ST8SIA1: variants seen among roughly 807,000 people sequenced by gnomAD.
ST8SIA1 encodes ST8 alpha-N-acetyl-neuraminide alpha-2,8-sialyltransferase 1.
A neutral mutation model predicts 35.9 loss-of-function variants in ST8SIA1; 16 were observed. The ratio of observed to expected loss-of-function variants is 0.45; its 90% CI spans 0.30 to 0.68. ST8SIA1 has a LOEUF of 0.68. Ranked by LOEUF, ST8SIA1 falls within the 30% of genes least tolerant of loss-of-function variation. The pLI is 0.09. For synonymous variants in ST8SIA1, 170 were observed against 169.6 expected, an observed-to-expected ratio of 1.00 and a Z score of -0.02; for missense variants, 383 against 453.6, an observed-to-expected ratio of 0.84 and a Z score of 1.41.
intron 4 of ST8SIA1, among the ~76,000 whole-genome samples, chr12:22,234,816 T>C (rs1211964299): frequency 6.6e-6 from 1 of 152,220 alleles, no homozygotes; most frequent in Non-Finnish European, 1.5e-5. Flanking sequence ...AGCAGCTGTT[T>C]CACAGATGTT....
intron 3 of ST8SIA1, among the ~76,000 whole-genome samples, chr12:22,249,463 G>A (rs1865643833): frequency 6.6e-6 from 1 of 152,070 alleles, no homozygotes; most frequent in South Asian, 2.1e-4. Context: ...CTTGTGATCT[G>A]CCCGCCTTGG....
intron 4 of ST8SIA1, among the ~76,000 whole-genome samples, chr12:22,224,947 G>C (rs969953262): frequency 3.3e-5 from 5 of 152,166 alleles, no homozygotes; most frequent in Non-Finnish European, 7.3e-5. Flanking sequence ...CTGATCCAAT[G>C]ACTGGCAGCC....
intron 4 of ST8SIA1, among the ~76,000 whole-genome samples, chr12:22,213,598 T>A (rs994697017): frequency 6.6e-6 from 1 of 152,136 alleles, no homozygotes; most frequent in Non-Finnish European, 1.5e-5. Flanking sequence ...GGCAAGGGCA[T>A]GTGGTAAGAG....
At chr12:22,221,232 AT>A (rs991017487) in intron 4 of ST8SIA1, among the ~76,000 whole-genome samples, 35 of 152,306 alleles carry the variant, frequency 2.3e-4, no homozygotes, top group African/African-American at 8.4e-4. Context: ...AAGAAAAAAA[AT>A]GATGAGTGGA....
chr12:22,278,247 G>T (rs768997545), intron 2 of ST8SIA1, among the ~76,000 whole-genome samples: 5 of 152,088 alleles, frequency 3.3e-5, no homozygotes, highest in Admixed American at 6.5e-5. Context: ...GTAGATTTTT[G>T]ATTTACATTA....
chr12:22,230,616 G>A (rs571671257), intron 4 of ST8SIA1, among the ~76,000 whole-genome samples: 1 of 151,978 alleles, frequency 6.6e-6, no homozygotes, highest in African/African-American at 2.4e-5. Flanking sequence ...GTTTCCTCAG[G>A]GTGGCTCCAG....
At chr12:22,204,869 T>G (rs935334845) in intron 4 of ST8SIA1, among the ~76,000 whole-genome samples, 1 of 152,184 alleles carries the variant, frequency 6.6e-6, no homozygotes, top group Non-Finnish European at 1.5e-5. Context: ...TTTAATGGGG[T>G]TGGTATTGAA....
At chr12:22,221,098 G>C (rs1417563528) in intron 4 of ST8SIA1, among the ~76,000 whole-genome samples, 1 of 152,072 alleles carries the variant, frequency 6.6e-6, no homozygotes, top group East Asian at 1.9e-4. Flanking sequence ...TTCTCTCCTA[G>C]CACCAAGATG....
intron 1 of ST8SIA1, among the ~76,000 whole-genome samples, chr12:22,321,003 G>GAAAGAAAGAAAGAAAGAAAGAAGA (rs377218947): frequency 1.3e-5 from 1 of 76,566 alleles, no homozygotes; most frequent in Non-Finnish European, 2.7e-5. Context: ...AAGAAAGAAA[G>GAAAGAAAGAAAGAAAGAAAGAAGA]AAGAAAGAAA....
intron 1 of ST8SIA1, among the ~76,000 whole-genome samples, chr12:22,318,391 G>A (rs1866545325): frequency 6.6e-6 from 1 of 152,222 alleles, no homozygotes; most frequent in Non-Finnish European, 1.5e-5. Context: ...ACTATGGTAT[G>A]GCTGGCATCT....
intron 1 of ST8SIA1, among the ~76,000 whole-genome samples, chr12:22,294,936 T>C (rs564648583): frequency 6.6e-6 from 1 of 152,300 alleles, no homozygotes; most frequent in East Asian, 1.9e-4. Flanking sequence ...TGAGAACCAC[T>C]TATTTGTTAT....
chr12:22,228,312 G>GTT (rs1461569389), intron 4 of ST8SIA1, among the ~76,000 whole-genome samples: 1 of 152,222 alleles, frequency 6.6e-6, no homozygotes, highest in Non-Finnish European at 1.5e-5. Flanking sequence ...AGCAGGCTTA[G>GTT]TTTAGATTAT....
chr12:22,248,911 T>C, intron 4 of ST8SIA1, 95 bp downstream of exon 4: 1 of 884,618 alleles, frequency 1.1e-6, no homozygotes, highest in South Asian at 1.7e-5. Flanking sequence ...TCCTCTTGAT[T>C]TCCCAAACTG....
intron 1 of ST8SIA1, among the ~76,000 whole-genome samples, chr12:22,308,772 A>G (rs1866414443): frequency 6.6e-6 from 1 of 152,082 alleles, no homozygotes; most frequent in Admixed American, 6.6e-5. Context: ...GACACAGTTG[A>G]CCAAATTTCT....
chr12:22,282,482 C>T (rs557834323), intron 2 of ST8SIA1, among the ~76,000 whole-genome samples: 1 of 152,254 alleles, frequency 6.6e-6, no homozygotes, highest in South Asian at 2.1e-4. Flanking sequence ...GATACATGAG[C>T]AGGAATCTGT....
intron 1 of ST8SIA1, 95 bp downstream of exon 1, chr12:22,333,902 C>A (rs768856522): frequency 4.7e-6 from 5 of 1,072,106 alleles, no homozygotes; most frequent in Non-Finnish European, 7.2e-6. Flanking sequence ...GATGCCTCTG[C>A]GAGACGGTGC....
At chr12:22,315,734 A>T (rs2135836296) in intron 1 of ST8SIA1, among the ~76,000 whole-genome samples, 1 of 151,512 alleles carries the variant, frequency 6.6e-6, no homozygotes, top group East Asian at 1.9e-4. Flanking sequence ...TAGTTAGGGC[A>T]AGCAAATAAA....
At chr12:22,234,885 G>A (rs1331567860) in intron 4 of ST8SIA1, among the ~76,000 whole-genome samples, 1 of 152,160 alleles carries the variant, frequency 6.6e-6, no homozygotes, top group South Asian at 2.1e-4. Context: ...AACCATGTGG[G>A]TAGCACTTCC....
intron 2 of ST8SIA1, among the ~76,000 whole-genome samples, chr12:22,280,273 T>G (rs1866017698): frequency 6.6e-6 from 1 of 152,148 alleles, no homozygotes; most frequent in African/African-American, 2.4e-5. Context: ...TGGACCTTTG[T>G]AAGAGCAACC....
Sources: gnomAD v4.1 joint callset for allele counts (sites outside exome capture counted in the v4.1 genomes callset) on GRCh38, gnomAD v4.1.1 for gene constraint, MANE v1.5 for transcripts, NCBI Gene and HGNC (gene_info 2026-07-23, HGNC 2026-07-21) for gene names.